USP13: variants seen among roughly 807,000 people sequenced by gnomAD.
USP13 encodes ubiquitin specific peptidase 13.
Under a neutral mutation model 107.8 loss-of-function variants are expected in USP13, and 68 were observed. The observed-to-expected ratio is 0.63, with a 90% confidence interval of 0.52 to 0.77. USP13 has a LOEUF of 0.77. Among genes scored for constraint, USP13 ranks in the 30% least tolerant of loss-of-function variants. The probability of loss-of-function intolerance (pLI) is 0.00; values close to 1 mark genes in which losing one functional copy is unlikely to be tolerated. For synonymous variants in USP13, 377 were observed against 389.5 expected (o/e 0.97, Z 0.38); for missense variants, 945 against 1,093.3 (o/e 0.86, Z 1.91).
chr3:179,684,801 G>T (rs1711810538), intron 2 of USP13, among the ~76,000 whole-genome samples: 2 of 150,722 alleles, frequency 1.3e-5, no homozygotes, highest in African/African-American at 2.4e-5. Flanking sequence ...CTGATGCTGT[G>T]GTTGAAGCCA....
chr3:179,776,216 G>T (rs1715533098), intron 19 of USP13, among the ~76,000 whole-genome samples: 1 of 152,098 alleles, frequency 6.6e-6, no homozygotes, highest in African/African-American at 2.4e-5. Context: ...TTCAGGTTTT[G>T]TGGGCCATAT....
intron 8 of USP13, among the ~76,000 whole-genome samples, chr3:179,725,068 C>T (rs1713462543): frequency 6.6e-6 from 1 of 152,078 alleles, no homozygotes; most frequent in South Asian, 2.1e-4. Flanking sequence ...AAAAATTAGC[C>T]AGGCGTGGTG....
chr3:179,687,833 C>T (rs909188033), intron 2 of USP13, among the ~76,000 whole-genome samples: 9 of 151,880 alleles, frequency 5.9e-5, no homozygotes, highest in East Asian at 3.9e-4. Context: ...ATGTTTCTCC[C>T]TCTTCTACAG....
chr3:179,783,902 T>A (rs1440416758), intron 20 of USP13, 146 bp from the exon 21 acceptor site: 1 of 594,384 alleles, frequency 1.7e-6, no homozygotes, highest in South Asian at 3.0e-5. Context: ...CTACCAGCAT[T>A]CTGTCCCTTT....
At position 179,653,309 on chromosome 3, in the gene USP13, A is replaced by G; in HGVS notation, c.84A>G (p.Leu28=). 1.3e-6 allele frequency: 2 copies of G among 1,577,720 alleles called. No individual in the cohort carries two copies. Among genetic ancestry groups the G allele is most frequent in the Non-Finnish European group, 8.6e-7 (1 of 1,162,332 alleles). ...CTGCAGGAGACATCGGCGAGCTGCT[A>G]GTGCCCCACATGCCCACGATCCGCG... The part of the protein sequence containing the change: ...KMAAGDIGEL[L]VPHMPTIRVP... Residue 28 remains leucine, a synonymous_variant, in exon 1 of 21, where the codon CTA becomes CTG. Coordinates refer to ENST00000263966, the MANE Select transcript of USP13 (RefSeq NM_003940.3). The surrounding 1 kb of genome is among the most constrained non-coding windows in gnomAD (Gnocchi z 4.0).
In USP13 at chr3:179,754,718, CT is replaced by C; in HGVS notation, c.1799-13del. The C allele has an allele frequency of 6.2e-7, 1 of 1,610,884 alleles. No individual in the cohort carries two copies. The highest frequency in any genetic ancestry group is 1.1e-5 in the South Asian group (1 of 90,370). On this transcript the variant is annotated splice_polypyrimidine_tract_variant and intron_variant, in intron 14 of 20. Coordinates refer to ENST00000263966, the MANE Select transcript of USP13 (RefSeq NM_003940.3). ...ATGGAGAGCCCAGTGGATATAATCTCTCTCATTTTGCAGATGTTTCTATTGA... is the reference window on the plus strand; with the variant it reads ...ATGGAGAGCCCAGTGGATATAATCTCCTCATTTTGCAGATGTTTCTATTGA...
At chr3:179,726,447 T>A (rs1175102596) in intron 8 of USP13, among the ~76,000 whole-genome samples, 1 of 152,086 alleles carries the variant, frequency 6.6e-6, no homozygotes, top group Non-Finnish European at 1.5e-5. Flanking sequence ...CAACACAAAG[T>A]AGAGGGTGTG....
chr3:179,770,442 A>C (rs1715309363), intron 19 of USP13, among the ~76,000 whole-genome samples: 1 of 152,212 alleles, frequency 6.6e-6, no homozygotes, highest in Non-Finnish European at 1.5e-5. Flanking sequence ...ATATAAAGGT[A>C]CCGATTTTGT....
At chr3:179,769,933 C>T (rs1332360778) in intron 19 of USP13, among the ~76,000 whole-genome samples, 1 of 152,094 alleles carries the variant, frequency 6.6e-6, no homozygotes, top group Non-Finnish European at 1.5e-5. Flanking sequence ...GTGAAAAATA[C>T]ATATTTTTAA....
chr3:179,772,431 C>G (rs1301988570), intron 19 of USP13, among the ~76,000 whole-genome samples: 1 of 152,220 alleles, frequency 6.6e-6, no homozygotes, highest in African/African-American at 2.4e-5. Context: ...GTTTAGATGT[C>G]TCCGATGCTG....
chr3:179,758,556 T>G (rs1319833233), intron 16 of USP13, among the ~76,000 whole-genome samples: 1 of 151,900 alleles, frequency 6.6e-6, no homozygotes, highest in East Asian at 1.9e-4. Flanking sequence ...TGGAGTGCAG[T>G]GGCGCGATCT....
chr3:179,721,256 CTT>C lies in USP13; in HGVS notation c.901-141_901-140del, dbSNP rs148990726. 4,784 of 829,732 alleles carry C rather than the reference CTT, an allele frequency of 5.8e-3. 167 individuals carry two copies. The African/African-American group carries it at 0.074, about 13-fold the overall frequency. The allele number at this position is 829,732 out of a possible 1,614,324, so 51.4% of individuals were successfully genotyped here. On this transcript the variant is annotated intron_variant, in intron 7 of 20. Transcript: ENST00000263966. The surrounding 1 kb of genome is among the most constrained non-coding windows in gnomAD (Gnocchi z 4.3). ...TGTGCCACCATCACCGTCTCTCAGT[CTT>C]TTTTATTTGCATTGTTTATTTCTCT...
chr3:179,775,975 G>A (rs1715520507), intron 19 of USP13, among the ~76,000 whole-genome samples: 1 of 152,216 alleles, frequency 6.6e-6, no homozygotes, highest in Non-Finnish European at 1.5e-5. Flanking sequence ...AGCGTGGCCA[G>A]AGCAGATGTC....
chr3:179,730,209 G>A lies in USP13; in HGVS notation c.1109G>A (p.Arg370Lys). The change falls in exon 9 of 21, where the codon AGA becomes AAA. Residue 370 changes from arginine to lysine, a missense_variant. Transcript: ENST00000263966. ...TCTAGGTATGTAGGAAACCTTCCCA[G>A]AATATTTGACTACTCGCCTTTAGAT... ...FQRAYVGNLPRIFDYSPLDPT... is the reference protein window; with the variant it reads ...FQRAYVGNLPKIFDYSPLDPT... 2 of 1,613,484 alleles carry A rather than the reference G, an allele frequency of 1.2e-6. No individual in the cohort carries two copies. Among genetic ancestry groups the A allele is most frequent in the Non-Finnish European group, 1.7e-6 (2 of 1,179,818 alleles).
At chr3:179,676,998 C>T (rs1240928392) in intron 1 of USP13, among the ~76,000 whole-genome samples, 3 of 151,978 alleles carry the variant, frequency 2.0e-5, no homozygotes, top group Non-Finnish European at 4.4e-5. Flanking sequence ...AGCTGGATTA[C>T]AGGCACCTGC....
At chr3:179,681,582 C>T (rs1442281573) in intron 1 of USP13, among the ~76,000 whole-genome samples, 1 of 151,534 alleles carries the variant, frequency 6.6e-6, no homozygotes, top group East Asian at 1.9e-4. Context: ...GCCTCAATAT[C>T]TTATCAGTAG....
intron 8 of USP13, among the ~76,000 whole-genome samples, chr3:179,727,442 GAGTGGAC>G (rs1183110781): frequency 2.1e-5 from 2 of 94,358 alleles, no homozygotes. Context: ...ATTTAACCCT[GAGTGGAC>G]ACAGCACATG....
At chr3:179,682,975 T>C (rs1365145277) in intron 2 of USP13, among the ~76,000 whole-genome samples, 1 of 152,122 alleles carries the variant, frequency 6.6e-6, no homozygotes, top group Admixed American at 6.5e-5. Flanking sequence ...TCACCAACCC[T>C]TGGTCAGAGT....
At chr3:179,764,989 T>A (rs1438546691) in intron 18 of USP13, among the ~76,000 whole-genome samples, 1 of 152,234 alleles carries the variant, frequency 6.6e-6, no homozygotes, top group Non-Finnish European at 1.5e-5. Context: ...TGGGGTACTT[T>A]CTTGTGCTCC....
Sources: allele counts gnomAD v4.1 joint callset (sites outside exome capture counted in the v4.1 genomes callset), GRCh38; gene constraint gnomAD v4.1.1; non-coding constraint Gnocchi (gnomAD v3.1); transcripts MANE v1.5; gene names NCBI Gene and HGNC (gene_info 2026-07-23, HGNC 2026-07-21).